Variants in OSBPL6 observed in about 807,000 individuals in gnomAD.
The protein encoded by OSBPL6 is oxysterol binding protein like 6.
Under a neutral mutation model 125.8 loss-of-function variants are expected in OSBPL6, and 49 were observed. The observed-to-expected ratio is 0.39, with a 90% CI of 0.31 to 0.49. OSBPL6 has a LOEUF of 0.49. Among genes scored for constraint, OSBPL6 ranks in the 20% least tolerant of loss-of-function variants. The pLI is 0.88. For missense variants in OSBPL6, 986 were observed against 1,135.4 expected (o/e 0.87, Z 1.89); for synonymous variants, 394 against 391.8 (o/e 1.01, Z -0.07).
Position 178,306,289 on chromosome 2 carries a change from A to G in OSBPL6, c.102+3A>G, listed in dbSNP as rs1372587164. The G allele has an allele frequency of 6.3e-7, 1 of 1,585,196 alleles. No individual in the cohort carries two copies. On this transcript the variant is annotated splice_donor_region_variant and intron_variant, in intron 3 of 24. Transcript: ENST00000190611. ...CCTCCCAAAGGGACAGTAGGCAGGTAAGAGAAGAGCATTAAGTGCCTTTGG... is the reference window on the plus strand; with the variant it reads ...CCTCCCAAAGGGACAGTAGGCAGGTGAGAGAAGAGCATTAAGTGCCTTTGG...
At chr2:178,328,476 T>A (rs1368903) in intron 5 of OSBPL6, 98 bp downstream of exon 5, 2 of 1,467,378 alleles carry the variant, frequency 1.4e-6, no homozygotes, top group Non-Finnish European at 1.8e-6. Context: ...TGGCAGTATG[T>A]GTAAAACTAG....
intron 1 of OSBPL6, among the ~76,000 whole-genome samples, chr2:178,222,520 G>A (rs546701608): frequency 1.3e-5 from 2 of 152,302 alleles, no homozygotes; most frequent in South Asian, 4.1e-4. Flanking sequence ...GCGCATGCCT[G>A]TAGTCCCAGC....
intron 15 of OSBPL6, among the ~76,000 whole-genome samples, chr2:178,382,189 C>A (rs575889743): frequency 6.6e-6 from 1 of 152,306 alleles, no homozygotes; most frequent in East Asian, 1.9e-4. Context: ...GTCTCCCCTG[C>A]CCTCCTGCCC....
chr2:178,257,229 A>T (rs1379582012), intron 1 of OSBPL6, among the ~76,000 whole-genome samples: 1 of 152,216 alleles, frequency 6.6e-6, no homozygotes, highest in African/African-American at 2.4e-5. Flanking sequence ...AACATGAATT[A>T]TCCAGATCAT....
At chr2:178,372,952 T>C (rs1693537946) in intron 14 of OSBPL6, among the ~76,000 whole-genome samples, 1 of 152,212 alleles carries the variant, frequency 6.6e-6, no homozygotes, top group Admixed American at 6.5e-5. Flanking sequence ...CTTTATAGCA[T>C]GAGAACTTAC....
At chr2:178,287,705 AC>A (rs1370121517) in intron 2 of OSBPL6, among the ~76,000 whole-genome samples, 2 of 147,014 alleles carry the variant, frequency 1.4e-5, no homozygotes, top group Non-Finnish European at 3.0e-5. Flanking sequence ...CCCCCCATCT[AC>A]CCCCCACAAA....
chr2:178,285,999 T>G (rs1389761322), intron 2 of OSBPL6, among the ~76,000 whole-genome samples: 1 of 152,224 alleles, frequency 6.6e-6, no homozygotes, highest in African/African-American at 2.4e-5. Context: ...CAAGGCTCAG[T>G]AATTTAGTGT....
intron 11 of OSBPL6, among the ~76,000 whole-genome samples, chr2:178,342,582 A>G (rs1409570136): frequency 6.6e-6 from 1 of 152,172 alleles, no homozygotes; most frequent in African/African-American, 2.4e-5. Context: ...TGAAGTCAGC[A>G]TTTGTCCTAG....
chr2:178,385,015 C>T (rs888235156), intron 18 of OSBPL6, among the ~76,000 whole-genome samples: 4 of 152,050 alleles, frequency 2.6e-5, no homozygotes, highest in African/African-American at 9.7e-5. Context: ...TGTTCTCACT[C>T]ATAAGTGGGA....
Position 178,331,613 on chromosome 2 carries a change from G to C in OSBPL6, c.372+8G>C. On this transcript the variant is annotated splice_region_variant and intron_variant, in intron 6 of 24. Coordinates refer to ENST00000190611, the MANE Select transcript of OSBPL6 (RefSeq NM_032523.4). ...TCAAAGGCACCACTCGATGTAAGTA[G>C]CACACAGGACATGTTTCAAAGGTTG... The C allele has an allele frequency of 6.2e-7, 1 of 1,613,846 alleles. No homozygotes were observed. The highest frequency in any genetic ancestry group is 2.2e-5 in the East Asian group (1 of 44,854).
chr2:178,332,692 T>C lies in OSBPL6; in HGVS notation c.424T>C (p.Ser142Pro). Residue 142 changes from serine (S) to proline (P), a missense_variant, in exon 7 of 25, where the codon TCA becomes CCA. Ser to Pro is a moderately conservative substitution (Grantham distance 74). This residue lies in a region of OSBPL6 where 843 missense variants were observed against 997.3 expected (regional missense o/e 0.85). Coordinates refer to ENST00000190611, the MANE Select transcript of OSBPL6 (RefSeq NM_032523.4). ...GSIDVGLSVMSIKKKARRIDL... is the reference protein window; with the variant it reads ...GSIDVGLSVMPIKKKARRIDL... ...CATAGATGTGGGACTCTCAGTCATG[T>C]CAATTAAAAAGAAAGCTCGAAGAAT... The C allele has an allele frequency of 6.2e-7, 1 of 1,614,120 alleles. No individual in the cohort carries two copies. Among genetic ancestry groups the C allele is most frequent in the Non-Finnish European group, 8.5e-7 (1 of 1,179,988 alleles).
intron 1 of OSBPL6, among the ~76,000 whole-genome samples, chr2:178,275,984 A>G (rs1219018630): frequency 2.6e-5 from 4 of 152,244 alleles, no homozygotes; most frequent in Admixed American, 2.0e-4. Context: ...TTCAATGGTA[A>G]ATTAGCAGTA....
At chr2:178,264,986 C>T (rs1245790499) in intron 1 of OSBPL6, among the ~76,000 whole-genome samples, 1 of 151,612 alleles carries the variant, frequency 6.6e-6, no homozygotes, top group Middle Eastern at 3.2e-3. Context: ...AACTCCTGGG[C>T]TCAAGCAGTC....
intron 1 of OSBPL6, among the ~76,000 whole-genome samples, chr2:178,254,803 G>A (rs1003345685): frequency 5.3e-5 from 8 of 152,194 alleles, no homozygotes. Flanking sequence ...GTTTTATACT[G>A]CTCACTCACT....
intron 4 of OSBPL6, among the ~76,000 whole-genome samples, chr2:178,327,119 C>T (rs1454290379): frequency 6.7e-6 from 1 of 149,846 alleles, no homozygotes; most frequent in East Asian, 1.9e-4. Flanking sequence ...AGAACTTATT[C>T]ATGTAACCAA....
At chr2:178,204,886 A>G (rs1417662323) in intron 1 of OSBPL6, among the ~76,000 whole-genome samples, 1 of 152,120 alleles carries the variant, frequency 6.6e-6, no homozygotes, top group Non-Finnish European at 1.5e-5. Context: ...TTTTGCTACT[A>G]TTCATTTACT....
intron 21 of OSBPL6, among the ~76,000 whole-genome samples, chr2:178,390,411 C>G (rs746812020): frequency 6.6e-6 from 1 of 152,210 alleles, no homozygotes; most frequent in Non-Finnish European, 1.5e-5. Context: ...TTCACACCCC[C>G]ACAAACAACC....
At position 178,384,143 on chromosome 2, in the gene OSBPL6, A is replaced by G. The variant is rs145454792; in HGVS notation, c.1980A>G (p.Arg660=). 10 of 1,614,000 alleles carry G rather than the reference A, an allele frequency of 6.2e-6. No individual in the cohort carries two copies. Among genetic ancestry groups the G allele is most frequent in the African/African-American group, 4.0e-5 (3 of 74,930 alleles). ...TTGGGGAGACTTATGAATGCATTAG[A>G]GAAGACAAGGGATTCCGCTTTTTCT... ...PVLGETYECI[R]EDKGFRFFSE... Residue 660 remains arginine, a synonymous_variant, in exon 18 of 25, where the codon AGA becomes AGG. Coordinates refer to ENST00000190611, the MANE Select transcript of OSBPL6 (RefSeq NM_032523.4).
intron 1 of OSBPL6, among the ~76,000 whole-genome samples, chr2:178,235,936 T>C (rs1335405648): frequency 2.0e-5 from 3 of 152,218 alleles, no homozygotes; most frequent in Non-Finnish European, 4.4e-5. Flanking sequence ...AAATGTCAAT[T>C]TTTGTTTTAT....
Sources: allele counts gnomAD v4.1 joint callset (sites outside exome capture counted in the v4.1 genomes callset), GRCh38; gene constraint gnomAD v4.1.1; regional missense constraint gnomAD v4.1.1; transcripts MANE v1.5; gene names NCBI Gene and HGNC (gene_info 2026-07-23, HGNC 2026-07-21).